Variants in LY75 observed in about 807,000 individuals in gnomAD.
The protein encoded by LY75 is C-type lectin domain family 13 member B.
LY75 carries 185 observed loss-of-function variants against 231.7 expected under a neutral mutation model. The ratio of observed to expected loss-of-function variants is 0.80; its 90% CI spans 0.71 to 0.90. The LOEUF (loss-of-function observed/expected upper bound fraction) is 0.90. Among genes scored for constraint, LY75 ranks in the 40% least tolerant of loss-of-function variants. The pLI is 0.00. For synonymous variants in LY75, 668 were observed against 689.0 expected, an observed-to-expected ratio of 0.97 and a Z score of 0.48; for missense variants, 1,947 against 2,050.2, an observed-to-expected ratio of 0.95 and a Z score of 0.97.
chr2:159,845,196 GA>G (rs1316711080), intron 23 of LY75, among the ~76,000 whole-genome samples: 3 of 152,098 alleles, frequency 2.0e-5, no homozygotes, highest in African/African-American at 7.2e-5. Flanking sequence ...AAGATTAATA[GA>G]AAGATGTCAA....
intron 33 of LY75, 104 bp downstream of exon 33, chr2:159,808,345 C>A: frequency 6.3e-7 from 1 of 1,575,842 alleles, no homozygotes. Context: ...CCAGAAGAGG[C>A]ATCTGAATTA....
At chr2:159,871,177 T>C (rs1233492985) in intron 13 of LY75, among the ~76,000 whole-genome samples, 1 of 152,110 alleles carries the variant, frequency 6.6e-6, no homozygotes, top group African/African-American at 2.4e-5. Context: ...TAAATATAAG[T>C]GTATATTTAT....
At chr2:159,815,722 G>T (rs1179695589) in intron 30 of LY75, 149 bp from the exon 31 acceptor site, 2 of 979,152 alleles carry the variant, frequency 2.0e-6, no homozygotes, top group Non-Finnish European at 2.9e-6. Flanking sequence ...TATTATTGTA[G>T]GTCTGATTTA....
At chr2:159,844,294 T>C (rs1021749811) in intron 23 of LY75, among the ~76,000 whole-genome samples, 1 of 134,008 alleles carries the variant, frequency 7.5e-6, no homozygotes, top group Non-Finnish European at 1.6e-5. Flanking sequence ...TATCTACTAA[T>C]ATATACCACG....
At chr2:159,891,614 A>C (rs1685759142) in intron 3 of LY75, among the ~76,000 whole-genome samples, 1 of 152,134 alleles carries the variant, frequency 6.6e-6, no homozygotes, top group African/African-American at 2.4e-5. Context: ...GCATGCATTA[A>C]CACCACTGTA....
chr2:159,872,138 C>T, intron 13 of LY75: 5 of 211,582 alleles, frequency 2.4e-5, no homozygotes, highest in Non-Finnish European at 4.7e-5. Flanking sequence ...ATTATACTCC[C>T]AGAAACACTC....
intron 14 of LY75, among the ~76,000 whole-genome samples, chr2:159,863,095 A>G (rs537239189): frequency 6.6e-6 from 1 of 150,618 alleles, no homozygotes; most frequent in South Asian, 2.1e-4. Flanking sequence ...TTCATTTAAC[A>G]TAATGTCCTC....
At chr2:159,893,804 G>T in intron 3 of LY75, 110 bp downstream of exon 3, 1 of 1,386,524 alleles carries the variant, frequency 7.2e-7, no homozygotes. Flanking sequence ...CTTCTTATCC[G>T]GGATAATATT....
intron 31 of LY75, among the ~76,000 whole-genome samples, chr2:159,812,942 T>C (rs1683006421): frequency 6.6e-6 from 1 of 152,200 alleles, no homozygotes; most frequent in African/African-American, 2.4e-5. Context: ...AATGGAATCA[T>C]AGAGTATTTG....
Position 159,824,823 on chromosome 2 carries a change from T to C in LY75, c.3959-4903A>G, listed in dbSNP as rs527945365. Among the ~76,000 whole-genome samples the C allele has an allele frequency of 1.3e-4, 19 of 149,934 alleles. No individual in the cohort carries two copies. In the South Asian group the frequency reaches 4.0e-3, roughly 32 times the overall value. ...AGAAACTCACTCAAAACCGCACAAC[T>C]ACATGGAAACTGAACAACCTGCTCC... On this transcript the variant is annotated intron_variant, in intron 28 of 34. Coordinates refer to ENST00000263636, the MANE Select transcript of LY75 (RefSeq NM_002349.4).
chr2:159,886,440 T>A lies in LY75; in HGVS notation c.893A>T (p.Asn298Ile), dbSNP rs368243473. ...GTTACCTGGATCCCAGTTGAGAAAGTTTAATGGTTTGTGGTCTGACCATTC... is the reference window on the plus strand; with the variant it reads ...GTTACCTGGATCCCAGTTGAGAAAGATTAATGGTTTGTGGTCTGACCATTC... ...GWEWSDHKPL[N>I]FLNWDPDRPS... The change falls in exon 5 of 35, where the codon AAC becomes ATC. Residue 298 changes from asparagine to isoleucine, a missense_variant. Asn to Ile is a moderately radical substitution (Grantham distance 149, BLOSUM62 -3). Transcript: ENST00000263636. The A allele has an allele frequency of 6.2e-7, 1 of 1,609,422 alleles. No individual in the cohort carries two copies. The highest frequency in any genetic ancestry group is 1.1e-5 in the South Asian group (1 of 90,688).
chr2:159,899,698 C>T (rs1308000210), intron 1 of LY75, among the ~76,000 whole-genome samples: 1 of 152,176 alleles, frequency 6.6e-6, no homozygotes, highest in Non-Finnish European at 1.5e-5. Flanking sequence ...AACTTAAGGA[C>T]AATTTTCTTA....
At chr2:159,886,009 T>A (rs1292484307) in intron 5 of LY75, among the ~76,000 whole-genome samples, 7 of 152,140 alleles carry the variant, frequency 4.6e-5, no homozygotes, top group African/African-American at 1.7e-4. Context: ...TGTCAGTACT[T>A]GGGTGCTATA....
chr2:159,873,416 G>C (rs1447247299), intron 12 of LY75, among the ~76,000 whole-genome samples: 1 of 152,140 alleles, frequency 6.6e-6, no homozygotes, highest in Admixed American at 6.6e-5. Context: ...TGGTTGGCTT[G>C]CCTTCTTGGG....
intron 13 of LY75, 58 bp from the exon 14 acceptor site, chr2:159,864,978 C>A: frequency 1.1e-5 from 17 of 1,498,412 alleles, no homozygotes; most frequent in Non-Finnish European, 1.4e-5. Flanking sequence ...ATATTTAGCA[C>A]TCACATGTCT....
Position 159,885,219 on chromosome 2 carries a change from A to C in LY75, c.988T>G (p.Phe330Val), listed in dbSNP as rs762774179. The C allele has an allele frequency of 6.2e-7, 1 of 1,613,680 alleles. No individual in the cohort carries two copies. The highest frequency in any genetic ancestry group is 8.5e-7 in the Non-Finnish European group (1 of 1,179,690). Residue 330 changes from phenylalanine (F) to valine (V), a missense_variant, in exon 6 of 35, where the codon TTT (phenylalanine) becomes GTT (valine). Coordinates refer to ENST00000263636, the MANE Select transcript of LY75 (RefSeq NM_002349.4). ...TAGGGCAGTTGAGCTTCACAGGAAAAGCTCTGCCACAGACCAGACTCAGCA... is the reference window on the plus strand; with the variant it reads ...TAGGGCAGTTGAGCTTCACAGGAAACGCTCTGCCACAGACCAGACTCAGCA... ...MDAESGLWQSFSCEAQLPYVC... is the reference protein window; with the variant it reads ...MDAESGLWQSVSCEAQLPYVC...
intron 28 of LY75, among the ~76,000 whole-genome samples, chr2:159,826,935 T>C (rs1683489352): frequency 6.6e-6 from 1 of 152,162 alleles, no homozygotes; most frequent in African/African-American, 2.4e-5. Flanking sequence ...CCCCCCTTCC[T>C]CACACCTTAT....
intron 15 of LY75, among the ~76,000 whole-genome samples, chr2:159,858,690 C>A (rs2729717): frequency 2.0e-5 from 3 of 152,154 alleles, no homozygotes; most frequent in South Asian, 4.1e-4. Flanking sequence ...GTTGTAAAGT[C>A]ATGTTTATGT....
At chr2:159,841,818 G>A (rs576275658) in intron 24 of LY75, among the ~76,000 whole-genome samples, 1 of 151,660 alleles carries the variant, frequency 6.6e-6, no homozygotes, top group African/African-American at 2.4e-5. Context: ...TGCCAGAGTA[G>A]AAAAAAGAAC....
Sources: gnomAD v4.1 joint callset for allele counts (sites outside exome capture counted in the v4.1 genomes callset) on GRCh38, gnomAD v4.1.1 for gene constraint, MANE v1.5 for transcripts, NCBI Gene and HGNC (gene_info 2026-07-23, HGNC 2026-07-21) for gene names.